Variants in SERPING1 observed in about 807,000 individuals in gnomAD.
SERPING1 encodes the protein plasma protease C1 inhibitor.
SERPING1 carries 5 observed loss-of-function variants against 34.1 expected under a neutral mutation model. The ratio of observed to expected loss-of-function variants is 0.15; its 90% CI spans 0.08 to 0.31. The LOEUF (loss-of-function observed/expected upper bound fraction) is 0.31. SERPING1 is among the 10% of genes least tolerant of loss of function. The pLI is 1.00. For missense variants in SERPING1, 505 were observed against 609.5 expected, an observed-to-expected ratio of 0.83 and a Z score of 1.81; for synonymous variants, 225 against 242.4, an observed-to-expected ratio of 0.93 and a Z score of 0.67.
intron 6 of SERPING1, among the ~76,000 whole-genome samples, chr11:57,609,968 C>T (rs1462366055): frequency 1.3e-5 from 2 of 152,142 alleles, no homozygotes; most frequent in Admixed American, 6.6e-5. Flanking sequence ...CCTGACAGGT[C>T]GTAATTACGA....
chr11:57,613,548 A>G (rs778001693), intron 7 of SERPING1, among the ~76,000 whole-genome samples: 11 of 152,210 alleles, frequency 7.2e-5, no homozygotes, highest in Non-Finnish European at 1.5e-4. Context: ...CCAGTTGAAG[A>G]GATACATAGG....
Position 57,606,403 on chromosome 11 carries a change from T to C in SERPING1, c.890-5T>C. On this transcript the variant is annotated splice_polypyrimidine_tract_variant and splice_region_variant and intron_variant, in intron 5 of 7. Coordinates refer to ENST00000278407, the MANE Select transcript of SERPING1 (RefSeq NM_000062.3). Reference sequence around the variant, plus strand: ...TAGAGCAACCCTCCCACCTCTTCCCTCTAGCCAAGTGGAAGACAACATTTG... The same window carrying C: ...TAGAGCAACCCTCCCACCTCTTCCCCCTAGCCAAGTGGAAGACAACATTTG... The C allele has an allele frequency of 6.2e-7, 1 of 1,614,062 alleles. No individual in the cohort carries two copies. The highest frequency in any genetic ancestry group is 2.2e-5 in the East Asian group (1 of 44,872).
intron 2 of SERPING1, among the ~76,000 whole-genome samples, chr11:57,598,961 G>A (rs1945317708): frequency 6.6e-6 from 1 of 152,002 alleles, no homozygotes; most frequent in Admixed American, 6.6e-5. Context: ...GCGCAAGTTG[G>A]TATCACATAC....
intron 2 of SERPING1, among the ~76,000 whole-genome samples, chr11:57,599,443 C>T (rs1375435955): frequency 6.6e-6 from 1 of 152,106 alleles, no homozygotes; most frequent in African/African-American, 2.4e-5. Flanking sequence ...GGGTTGCAAC[C>T]CACAGTTTAA....
At position 57,598,619 on chromosome 11, in the gene SERPING1, C is replaced by T. The variant is rs190197710; in HGVS notation, c.51+298C>T. Among the ~76,000 whole-genome samples, 201 of 152,250 alleles carry T rather than the reference C, an allele frequency of 1.3e-3. 2 individuals are homozygous for T. Among genetic ancestry groups the T allele is most frequent in the Non-Finnish European group, 5.4e-4 (37 of 68,006 alleles). ...TTTATAAAATGTTGAATAAACAGAT[C>T]CCACCCTGTCCACCAAGCAGGCTTG... On this transcript the variant is annotated intron_variant, in intron 2 of 7. Coordinates refer to ENST00000278407, the MANE Select transcript of SERPING1 (RefSeq NM_000062.3).
intron 6 of SERPING1, among the ~76,000 whole-genome samples, chr11:57,608,786 T>C (rs967994203): frequency 1.5e-4 from 22 of 151,240 alleles, no homozygotes; most frequent in Non-Finnish European, 8.8e-5. Flanking sequence ...GTGCTGGCAT[T>C]ACAGGCGTGA....
At chr11:57,602,773 A>C (rs892227368) in intron 4 of SERPING1, among the ~76,000 whole-genome samples, 4 of 89,202 alleles carry the variant, frequency 4.5e-5, no homozygotes, top group East Asian at 7.5e-4. Flanking sequence ...AAACAAAAAC[A>C]AAACAAAAAC....
chr11:57,598,475 C>CGTAGATGG (rs1187081143), intron 2 of SERPING1, among the ~76,000 whole-genome samples, 154 bp downstream of exon 2: 1 of 152,062 alleles, frequency 6.6e-6, no homozygotes, highest in Non-Finnish European at 1.5e-5. Context: ...CACACGCACT[C>CGTAGATGG]GTAGATGGTG....
At position 57,606,074 on chromosome 11, in the gene SERPING1, C is replaced by A; in HGVS notation, c.750C>A (p.Val250=). 1 of 1,614,176 alleles carries A rather than the reference C, an allele frequency of 6.2e-7. No homozygotes were observed. The highest frequency in any genetic ancestry group is 8.5e-7 in the Non-Finnish European group (1 of 1,180,040). ...CCCTGTACAGCAGCAGCCCCAGAGT[C>A]CTAAGCAACAACAGTGACGCCAACT... is the stretch of plus-strand genomic sequence containing the variant. ...SRTLYSSSPR[V]LSNNSDANLE... is the part of the protein sequence containing the mutation. Residue 250 remains valine, a synonymous_variant, in exon 5 of 8, where the codon GTC becomes GTA. Coordinates refer to ENST00000278407, the MANE Select transcript of SERPING1 (RefSeq NM_000062.3).
intron 2 of SERPING1, 109 bp from the exon 3 acceptor site, chr11:57,599,770 C>T: frequency 6.7e-7 from 1 of 1,500,772 alleles, no homozygotes; most frequent in East Asian, 2.3e-5. Context: ...AAATTACTCT[C>T]TTGTACAGGA....
chr11:57,600,970 C>G (rs1945341670), intron 3 of SERPING1, among the ~76,000 whole-genome samples: 1 of 150,200 alleles, frequency 6.7e-6, no homozygotes, highest in Non-Finnish European at 1.5e-5. Flanking sequence ...AAAAAATTAT[C>G]AGAGATAGAC....
At chr11:57,609,169 C>G (rs996748192) in intron 6 of SERPING1, among the ~76,000 whole-genome samples, 1 of 151,994 alleles carries the variant, frequency 6.6e-6, no homozygotes, top group Admixed American at 6.6e-5. Context: ...ATCCCAGCTA[C>G]TCAGGATGCT....
chr11:57,608,055 C>T (rs1187656514), intron 6 of SERPING1, among the ~76,000 whole-genome samples: 1 of 152,198 alleles, frequency 6.6e-6, no homozygotes, highest in Non-Finnish European at 1.5e-5. Flanking sequence ...TTTGACCATT[C>T]ATGACTCATT....
intron 2 of SERPING1, among the ~76,000 whole-genome samples, chr11:57,599,573 G>C (rs1235120573): frequency 6.6e-6 from 1 of 152,204 alleles, no homozygotes. Flanking sequence ...ACAACACTCA[G>C]CTTCACTGTT....
At chr11:57,612,158 C>T (rs1945484619) in intron 7 of SERPING1, among the ~76,000 whole-genome samples, 1 of 152,114 alleles carries the variant, frequency 6.6e-6, no homozygotes, top group South Asian at 2.1e-4. Flanking sequence ...CATGATTTAC[C>T]CTTGAGCTAG....
In SERPING1 at chr11:57,600,107, C is replaced by A. The variant is rs942072497; in HGVS notation, c.280C>A (p.Pro94Thr). 8.1e-7 allele frequency: 1 copy of A among 1,230,954 alleles called. No homozygotes were observed. Among genetic ancestry groups the A allele is most frequent in the Non-Finnish European group, 1.2e-6 (1 of 854,708 alleles). 76.3% of individuals were successfully genotyped at this position (1,230,954 alleles called of 1,614,324 possible). A position where few individuals can be genotyped will look rare whatever the true frequency, so the allele number is the denominator to read the frequency against. Reference protein sequence around the residue: ...DEPTTQPTTEPTTQPTIQPTQ... With the variant: ...DEPTTQPTTETTTQPTIQPTQ... ...ACCCACCACACAACCCACCACAGAGCCCACCACCCAACCCACCATCCAACC... is the reference window on the plus strand; with the variant it reads ...ACCCACCACACAACCCACCACAGAGACCACCACCCAACCCACCATCCAACC... Residue 94 changes from proline to threonine, a missense_variant, in exon 3 of 8, where the codon CCC becomes ACC. Coordinates refer to ENST00000278407, the MANE Select transcript of SERPING1 (RefSeq NM_000062.3).
At chr11:57,606,299 A>G (rs534199493) in intron 5 of SERPING1, 86 bp downstream of exon 5, 14 of 1,597,288 alleles carry the variant, frequency 8.8e-6, no homozygotes, top group Non-Finnish European at 1.2e-5. Context: ...CCCAAGTTCT[A>G]CAATCGGATC....
chr11:57,605,091 G>A (rs1230575142), intron 4 of SERPING1, among the ~76,000 whole-genome samples: 1 of 152,016 alleles, frequency 6.6e-6, no homozygotes, highest in African/African-American at 2.4e-5. Context: ...GGAAAAACAT[G>A]GCTCAGAGGT....
At chr11:57,613,680 A>C (rs1417829095) in intron 7 of SERPING1, among the ~76,000 whole-genome samples, 1 of 152,176 alleles carries the variant, frequency 6.6e-6, no homozygotes, top group Non-Finnish European at 1.5e-5. Context: ...CTTTAGGAGA[A>C]GTCATCATGT....
Sources: allele counts gnomAD v4.1 joint callset (sites outside exome capture counted in the v4.1 genomes callset), GRCh38; gene constraint gnomAD v4.1.1; transcripts MANE v1.5; gene names NCBI Gene and HGNC (gene_info 2026-07-23, HGNC 2026-07-21).